MSRA: variants seen among roughly 807,000 people sequenced by gnomAD.
MSRA encodes the protein mitochondrial peptide methionine sulfoxide reductase.
Under a neutral mutation model 31.3 loss-of-function variants are expected in MSRA, and 54 were observed. That is an observed-to-expected ratio of 1.73 (90% CI 1.39 to 2.17). The LOEUF is 2.17. MSRA is among the 30% of genes most tolerant of loss of function. The pLI is 0.00. For synonymous variants in MSRA, 169 were observed against 116.5 expected, an observed-to-expected ratio of 1.45 and a Z score of -2.90; for missense variants, 507 against 300.9, an observed-to-expected ratio of 1.69 and a Z score of -5.07.
chr8:10,158,262 G>A lies in MSRA; in HGVS notation c.143-49571G>A, dbSNP rs1804335787. The stretch of plus-strand genomic sequence containing the variant: ...AGAGGACGTAAACATTCAGACCGTA[G>A]CAAATGGGTATGAACTGCAGTCAGA... On this transcript the variant is annotated intron_variant, in intron 1 of 5. Transcript: ENST00000317173. Among the ~76,000 whole-genome samples the A allele has an allele frequency of 2.0e-5, 3 of 152,182 alleles. No individual in the cohort carries two copies. In the South Asian group the frequency reaches 6.2e-4, roughly 32 times the overall value.
In MSRA at chr8:10,296,647, G is replaced by A. The variant is rs940974106; in HGVS notation, c.332-4887G>A. 5.9e-5 allele frequency among the ~76,000 whole-genome samples: 9 copies of A among 152,336 alleles called. No homozygotes were observed. The East Asian group carries it at 1.5e-3, about 26-fold the overall frequency. On this transcript the variant is annotated intron_variant, in intron 3 of 5. Coordinates refer to ENST00000317173, the MANE Select transcript of MSRA (RefSeq NM_012331.5). ...TAAGATGTAGAGACTTAAGTCCCATGTGCCAGGCACTAATCACCCAGTTTG... is the reference window on the plus strand; with the variant it reads ...TAAGATGTAGAGACTTAAGTCCCATATGCCAGGCACTAATCACCCAGTTTG...
rs147459881 is a variant in MSRA, at chr8:10,357,044, G to A, written c.543+37055G>A. 6.2e-3 allele frequency among the ~76,000 whole-genome samples: 938 copies of A among 152,076 alleles called. 6 individuals carry two copies. Among genetic ancestry groups the A allele is most frequent in the African/African-American group, 0.022 (895 of 41,488 alleles). On this transcript the variant is annotated intron_variant, in intron 5 of 5. Transcript: ENST00000317173. Reference sequence around the variant, plus strand: ...AGTTCCTCTGTCTTTTGTATTTCCTGAACATTGGCAGCTGCATCCAGAGGT... The same window carrying A: ...AGTTCCTCTGTCTTTTGTATTTCCTAAACATTGGCAGCTGCATCCAGAGGT...
At chr8:10,409,668 C>G (rs191518143) in intron 5 of MSRA, among the ~76,000 whole-genome samples, 2 of 152,228 alleles carry the variant, frequency 1.3e-5, no homozygotes, top group Non-Finnish European at 2.9e-5. Flanking sequence ...CAGCATCACC[C>G]CTAGGCCCTC....
intron 3 of MSRA, among the ~76,000 whole-genome samples, chr8:10,283,064 C>G (rs1368236443): frequency 6.6e-6 from 1 of 151,808 alleles, no homozygotes; most frequent in Non-Finnish European, 1.5e-5. Flanking sequence ...GTCCAAAAGA[C>G]TTTCCTAAAA....
At position 10,156,442 on chromosome 8, in the gene MSRA, C is replaced by T. The variant is rs140946788; in HGVS notation, c.143-51391C>T. ...GGTAAAAGGAAAGCATGTGTGTGTA[C>T]GTGTGTGTATGAGAGAGAGGGGATT... On this transcript the variant is annotated intron_variant, in intron 1 of 5. Transcript: ENST00000317173. Among the ~76,000 whole-genome samples, 7 of 151,798 alleles carry T rather than the reference C, an allele frequency of 4.6e-5. No homozygotes were observed. In the East Asian group the frequency reaches 9.7e-4, roughly 21 times the overall value.
chr8:10,394,373 C>A (rs1585670810), intron 5 of MSRA, among the ~76,000 whole-genome samples: 1 of 152,194 alleles, frequency 6.6e-6, no homozygotes, highest in Non-Finnish European at 1.5e-5. Flanking sequence ...CCTAGCCACC[C>A]CACCCCAGCT....
intron 1 of MSRA, among the ~76,000 whole-genome samples, chr8:10,096,483 A>G (rs1799164089): frequency 6.6e-6 from 1 of 152,184 alleles, no homozygotes; most frequent in African/African-American, 2.4e-5. Flanking sequence ...ATGGCTGGGA[A>G]TGGTAGAGAA....
At chr8:10,360,624 A>C (rs562421082) in intron 5 of MSRA, among the ~76,000 whole-genome samples, 1 of 152,216 alleles carries the variant, frequency 6.6e-6, no homozygotes, top group Non-Finnish European at 1.5e-5. Context: ...GATTCGATAA[A>C]TGTTTGTAGC....
At chr8:10,197,738 C>A (rs1300757079) in intron 1 of MSRA, among the ~76,000 whole-genome samples, 1 of 152,138 alleles carries the variant, frequency 6.6e-6, no homozygotes, top group Admixed American at 6.5e-5. Context: ...CTCAGAAGCC[C>A]TCTCCAAGAC....
intron 1 of MSRA, among the ~76,000 whole-genome samples, chr8:10,076,389 C>G (rs894617073): frequency 6.6e-6 from 1 of 152,216 alleles, no homozygotes; most frequent in Non-Finnish European, 1.5e-5. Context: ...TGCACATGGC[C>G]TTCAACTCCA....
chr8:10,244,970 C>G (rs780574806), intron 2 of MSRA, 134 bp from the exon 3 acceptor site: 45 of 606,716 alleles, frequency 7.4e-5, no homozygotes, highest in Admixed American at 5.2e-4. Flanking sequence ...AAGATAAAAT[C>G]TTAGTCATTT....
intron 2 of MSRA, among the ~76,000 whole-genome samples, chr8:10,222,261 C>G (rs1466426203): frequency 6.6e-6 from 1 of 152,146 alleles, no homozygotes; most frequent in Non-Finnish European, 1.5e-5. Flanking sequence ...TAGACCTTCT[C>G]AAATGCCATA....
chr8:10,152,011 G>T (rs955177956), intron 1 of MSRA, among the ~76,000 whole-genome samples: 1 of 152,216 alleles, frequency 6.6e-6, no homozygotes, highest in African/African-American at 2.4e-5. Flanking sequence ...AAAGAAAACT[G>T]AGGGTGCTTC....
intron 1 of MSRA, among the ~76,000 whole-genome samples, chr8:10,162,382 A>G (rs1804743841): frequency 1.3e-5 from 2 of 152,190 alleles, no homozygotes; most frequent in African/African-American, 4.8e-5. Context: ...TGTAGCCCAG[A>G]AAAATGTTCT....
chr8:10,230,207 A>T (rs188110893), intron 2 of MSRA, among the ~76,000 whole-genome samples: 4 of 152,228 alleles, frequency 2.6e-5, no homozygotes, highest in Non-Finnish European at 4.4e-5. Context: ...CAGGCATTCC[A>T]TAGGGTAGAC....
Position 10,074,631 on chromosome 8 carries a change from A to G in MSRA, c.142+19973A>G, listed in dbSNP as rs560208676. 6.6e-5 allele frequency among the ~76,000 whole-genome samples: 10 copies of G among 152,070 alleles called. No individual in the cohort carries two copies. In the South Asian group the frequency reaches 1.5e-3, roughly 22 times the overall value. On this transcript the variant is annotated intron_variant, in intron 1 of 5. Coordinates refer to ENST00000317173, the MANE Select transcript of MSRA (RefSeq NM_012331.5). Reference sequence around the variant, plus strand: ...TGATCTCTCCCCAGAACATGGCTTTATTGATAATACACCCCTTCTTCTTCT... The same window carrying G: ...TGATCTCTCCCCAGAACATGGCTTTGTTGATAATACACCCCTTCTTCTTCT...
intron 1 of MSRA, among the ~76,000 whole-genome samples, chr8:10,192,202 G>A (rs1474630264): frequency 6.6e-6 from 1 of 152,206 alleles, no homozygotes; most frequent in Non-Finnish European, 1.5e-5. Flanking sequence ...CTCCTGTTGT[G>A]TTCTGTTTAG....
intron 5 of MSRA, chr8:10,337,759 C>A: frequency 1.4e-6 from 1 of 702,662 alleles, no homozygotes; most frequent in Middle Eastern, 2.3e-4. Context: ...CTGCAGCCTC[C>A]TCTGCTCAAC....
chr8:10,124,626 T>C (rs1001014317), intron 1 of MSRA, among the ~76,000 whole-genome samples: 2 of 152,246 alleles, frequency 1.3e-5, no homozygotes, highest in African/African-American at 4.8e-5. Context: ...GGATGTATGG[T>C]TAAATAGCTA....
Sources: gnomAD v4.1 joint callset for allele counts (sites outside exome capture counted in the v4.1 genomes callset) on GRCh38, gnomAD v4.1.1 for gene constraint, MANE v1.5 for transcripts, NCBI Gene and HGNC (gene_info 2026-07-23, HGNC 2026-07-21) for gene names.